The following KAZN variants were observed in gnomAD, a reference collection of about 807,000 sequenced individuals.
KAZN encodes the protein kazrin, periplakin interacting protein, also known as kazrin.
In KAZN, 40 loss-of-function variants were observed where a neutral mutation model predicts 87.4. The ratio of observed to expected loss-of-function variants is 0.46; its 90% CI spans 0.36 to 0.60. The LOEUF is 0.60. KAZN is among the 20% of genes least tolerant of loss of function. The pLI is 0.00. For missense variants in KAZN, 898 were observed against 1,073.9 expected (o/e 0.84, Z 2.29); for synonymous variants, 466 against 458.3 (o/e 1.02, Z -0.22).
intron 2 of KAZN, among the ~76,000 whole-genome samples, chr1:14,194,505 G>C (rs1438314361): frequency 6.6e-6 from 1 of 152,152 alleles, no homozygotes; most frequent in Non-Finnish European, 1.5e-5. Context: ...CCATTAGTCA[G>C]ACTTGCCCTT....
At chr1:14,016,340 T>C (rs973571332) in intron 1 of KAZN, among the ~76,000 whole-genome samples, 5 of 152,280 alleles carry the variant, frequency 3.3e-5, no homozygotes, top group African/African-American at 1.2e-4. Context: ...CTTTTATGGG[T>C]ACAGGACTCT....
intron 1 of KAZN, among the ~76,000 whole-genome samples, chr1:13,948,578 G>A (rs1038970012): frequency 6.6e-6 from 1 of 152,190 alleles, no homozygotes; most frequent in Non-Finnish European, 1.5e-5. Context: ...CACATCTGGT[G>A]TGGGGAAAGG....
chr1:14,971,224 A>G (rs10737904), intron 2 of KAZN, among the ~76,000 whole-genome samples: 1 of 151,946 alleles, frequency 6.6e-6, no homozygotes, highest in Non-Finnish European at 1.5e-5. Context: ...ATGGTGAAAC[A>G]CTGTCCTTAC....
intron 2 of KAZN, among the ~76,000 whole-genome samples, chr1:14,372,215 G>A (rs1660546355): frequency 6.6e-6 from 1 of 152,184 alleles, no homozygotes; most frequent in African/African-American, 2.4e-5. Context: ...CAATCCCTAA[G>A]ATTACATATA....
chr1:14,095,381 G>A (rs1228708653), intron 1 of KAZN, among the ~76,000 whole-genome samples: 1 of 152,122 alleles, frequency 6.6e-6, no homozygotes, highest in Non-Finnish European at 1.5e-5. Context: ...TGCATAAGCA[G>A]GTGTTATCCT....
Position 15,060,308 on chromosome 1 carries a change from G to T in KAZN, c.1047+6G>T, listed in dbSNP as rs202167895. 1.9e-6 allele frequency: 3 copies of T among 1,614,078 alleles called. No homozygotes were observed. Among genetic ancestry groups the T allele is most frequent in the Non-Finnish European group, 2.5e-6 (3 of 1,179,950 alleles). ...GGACACACTCCCTCTGCAACGTAAG[G>T]CCAGCAGCAGCGGGGCCTGGGCCCC... On this transcript the variant is annotated splice_donor_region_variant and intron_variant, in intron 6 of 14. Transcript: ENST00000376030.
chr1:14,926,026 T>C (rs1440217398), intron 1 of KAZN, among the ~76,000 whole-genome samples: 1 of 152,208 alleles, frequency 6.6e-6, no homozygotes, highest in Non-Finnish European at 1.5e-5. Flanking sequence ...CCAAAGATGG[T>C]GTCTGTAAAA....
At chr1:14,762,569 C>CA (rs1644769628) in intron 1 of KAZN, among the ~76,000 whole-genome samples, 1 of 151,952 alleles carries the variant, frequency 6.6e-6, no homozygotes, top group South Asian at 2.1e-4. Context: ...ACTAAAAATA[C>CA]AAAAAATTAG....
chr1:14,514,409 TATATAAATATATATATA>T (rs1671136414), intron 2 of KAZN, among the ~76,000 whole-genome samples: 1 of 26,256 alleles, frequency 3.8e-5, no homozygotes, highest in African/African-American at 1.1e-4. Context: ...ATATATATAA[TATATAAATATATATATA>T]ATATATATAA....
chr1:14,611,487 G>A (rs1677813169), intron 1 of KAZN, among the ~76,000 whole-genome samples: 1 of 152,124 alleles, frequency 6.6e-6, no homozygotes, highest in African/African-American at 2.4e-5. Context: ...AGGAGTTCAA[G>A]ATCAGCCTGG....
chr1:14,094,262 C>T (rs754927345), intron 1 of KAZN, among the ~76,000 whole-genome samples: 10 of 152,052 alleles, frequency 6.6e-5, no homozygotes, highest in Non-Finnish European at 1.0e-4. Flanking sequence ...TCCTCAAACG[C>T]TGTTGATGAG....
intron 2 of KAZN, among the ~76,000 whole-genome samples, chr1:14,534,755 G>C (rs1672392973): frequency 6.6e-6 from 1 of 152,178 alleles, no homozygotes; most frequent in Non-Finnish European, 1.5e-5. Flanking sequence ...CCCAGGGTGA[G>C]TAGCCAGTGA....
At chr1:14,136,943 G>A (rs1645120562) in intron 1 of KAZN, among the ~76,000 whole-genome samples, 1 of 152,132 alleles carries the variant, frequency 6.6e-6, no homozygotes, top group South Asian at 2.1e-4. Flanking sequence ...AGTCACTAAA[G>A]GCCACCCAAC....
At chr1:14,204,007 G>T (rs1011494893) in intron 2 of KAZN, among the ~76,000 whole-genome samples, 2 of 152,178 alleles carry the variant, frequency 1.3e-5, no homozygotes, top group African/African-American at 4.8e-5. Flanking sequence ...AATCACATTT[G>T]GGTGTGTTGC....
chr1:14,073,274 T>A (rs1436543901), intron 1 of KAZN, among the ~76,000 whole-genome samples: 1 of 152,170 alleles, frequency 6.6e-6, no homozygotes, highest in East Asian at 1.9e-4. Flanking sequence ...GCTGAAGAAT[T>A]TGACAGTGGC....
chr1:14,038,931 T>G (rs910206732), intron 1 of KAZN, among the ~76,000 whole-genome samples: 9 of 152,204 alleles, frequency 5.9e-5, no homozygotes, highest in South Asian at 2.1e-4. Context: ...TTTGGGAGGC[T>G]GAGGCAGGTG....
intron 1 of KAZN, among the ~76,000 whole-genome samples, chr1:13,983,840 T>G (rs1638877342): frequency 6.6e-6 from 1 of 152,206 alleles, no homozygotes; most frequent in African/African-American, 2.4e-5. Flanking sequence ...TACATGTTTA[T>G]TTTTGAACCT....
At chr1:14,525,283 C>T (rs1039785786) in intron 2 of KAZN, among the ~76,000 whole-genome samples, 2 of 151,876 alleles carry the variant, frequency 1.3e-5, no homozygotes, top group African/African-American at 4.8e-5. Context: ...GCAAACTGTG[C>T]TCTAATAGGT....
Position 15,029,563 on chromosome 1 carries a change from G to A in KAZN, c.419-5186G>A, listed in dbSNP as rs976408412. On this transcript the variant is annotated intron_variant, in intron 2 of 14. Coordinates refer to ENST00000376030, the MANE Select transcript of KAZN (RefSeq NM_201628.3). ...AAATGATAACAAGGATGGAGCAGCA[G>A]GGAGACCCACAGAAGCCACAAGAGG... is the stretch of plus-strand genomic sequence containing the variant. Among the ~76,000 whole-genome samples, 6 of 152,274 alleles carry A rather than the reference G, an allele frequency of 3.9e-5. No individual in the cohort carries two copies. In the East Asian group the frequency reaches 1.2e-3, roughly 29 times the overall value.
Sources: allele counts gnomAD v4.1 joint callset (sites outside exome capture counted in the v4.1 genomes callset), GRCh38; gene constraint gnomAD v4.1.1; transcripts MANE v1.5; gene names NCBI Gene and HGNC (gene_info 2026-07-23, HGNC 2026-07-21).